ZFAND3: variants seen among roughly 807,000 people sequenced by gnomAD.
ZFAND3 encodes the protein zinc finger AN1-type containing 3.
In ZFAND3, 10 loss-of-function variants were observed where a neutral mutation model predicts 29.6. That is an observed-to-expected ratio of 0.34 (90% CI 0.21 to 0.57). ZFAND3 has a LOEUF of 0.57. ZFAND3 is among the 20% of genes least tolerant of loss of function. ZFAND3 has a pLI of 0.86. For missense variants in ZFAND3, 230 were observed against 304.5 expected (o/e 0.76, Z 1.82); for synonymous variants, 128 against 112.6 (o/e 1.14, Z -0.87).
chr6:38,008,018 T>TG (rs1186825038), intron 2 of ZFAND3, among the ~76,000 whole-genome samples: 1 of 152,190 alleles, frequency 6.6e-6, no homozygotes, highest in Non-Finnish European at 1.5e-5. Flanking sequence ...CCAGACCTGC[T>TG]GGATCAGAAC....
chr6:38,093,405 A>G (rs1396668180), intron 4 of ZFAND3, among the ~76,000 whole-genome samples: 2 of 152,222 alleles, frequency 1.3e-5, no homozygotes, highest in Non-Finnish European at 2.9e-5. Flanking sequence ...TCAGTTTCTG[A>G]TGAGTTAAAT....
At chr6:38,141,713 T>G (rs1765960091) in intron 5 of ZFAND3, among the ~76,000 whole-genome samples, 1 of 152,104 alleles carries the variant, frequency 6.6e-6, no homozygotes, top group Non-Finnish European at 1.5e-5. Flanking sequence ...AACCAGAATC[T>G]AGATGGGGAG....
At chr6:38,025,505 G>A (rs1020848341) in intron 2 of ZFAND3, among the ~76,000 whole-genome samples, 7 of 152,228 alleles carry the variant, frequency 4.6e-5, no homozygotes, top group African/African-American at 1.7e-4. Flanking sequence ...TGAAGATATT[G>A]AATCTTGTGA....
chr6:38,030,761 A>G (rs1581853680), intron 2 of ZFAND3, among the ~76,000 whole-genome samples: 2 of 152,194 alleles, frequency 1.3e-5, no homozygotes, highest in East Asian at 3.8e-4. Flanking sequence ...ACAGGTCTGC[A>G]TTGAAAGAAG....
At chr6:38,137,913 G>GTC (rs1453411722) in intron 5 of ZFAND3, among the ~76,000 whole-genome samples, 2 of 152,218 alleles carry the variant, frequency 1.3e-5, no homozygotes, top group Non-Finnish European at 2.9e-5. Context: ...GCAGGGATCA[G>GTC]TCGGGGGCTT....
chr6:38,004,847 T>C (rs924548280), intron 2 of ZFAND3, among the ~76,000 whole-genome samples: 6 of 152,204 alleles, frequency 3.9e-5, no homozygotes, highest in South Asian at 2.1e-4. Context: ...ATCATCATCA[T>C]GTGGCAAAGG....
At chr6:37,909,004 T>G (rs1021688147) in intron 1 of ZFAND3, among the ~76,000 whole-genome samples, 1 of 152,172 alleles carries the variant, frequency 6.6e-6, no homozygotes. Context: ...CTTAGGTTTC[T>G]GTACTTGGGT....
chr6:38,082,118 G>C (rs909562552), intron 3 of ZFAND3, among the ~76,000 whole-genome samples: 1 of 149,842 alleles, frequency 6.7e-6, no homozygotes, highest in Non-Finnish European at 1.5e-5. Context: ...TCTTTAACTT[G>C]TTAACATTAT....
chr6:38,093,698 C>G (rs988562086), intron 4 of ZFAND3, among the ~76,000 whole-genome samples: 1 of 151,918 alleles, frequency 6.6e-6, no homozygotes, highest in Non-Finnish European at 1.5e-5. Flanking sequence ...AAAACCTGAA[C>G]GAAGTTTGTG....
At chr6:37,912,172 T>C (rs1021128896) in intron 1 of ZFAND3, among the ~76,000 whole-genome samples, 3 of 151,980 alleles carry the variant, frequency 2.0e-5, no homozygotes, top group African/African-American at 7.3e-5. Context: ...CAATTACCTG[T>C]GGCTCATCAC....
intron 2 of ZFAND3, among the ~76,000 whole-genome samples, chr6:37,973,580 T>A (rs1478924926): frequency 6.6e-6 from 1 of 152,242 alleles, no homozygotes; most frequent in Admixed American, 6.5e-5. Context: ...ATTTTCCATT[T>A]TATTTAATTG....
intron 2 of ZFAND3, among the ~76,000 whole-genome samples, chr6:38,042,607 C>T (rs1368757774): frequency 6.6e-6 from 1 of 152,114 alleles, no homozygotes; most frequent in African/African-American, 2.4e-5. Context: ...GACCACTGCA[C>T]CTGGTCGAGC....
chr6:37,833,972 G>T (rs551929501), intron 1 of ZFAND3, among the ~76,000 whole-genome samples: 1 of 152,052 alleles, frequency 6.6e-6, no homozygotes, highest in South Asian at 2.1e-4. Context: ...TCTCACATTA[G>T]TGTGGAACAT....
chr6:37,925,066 A>T (rs1761457535), intron 1 of ZFAND3, among the ~76,000 whole-genome samples: 1 of 151,960 alleles, frequency 6.6e-6, no homozygotes, highest in Non-Finnish European at 1.5e-5. Flanking sequence ...TCACAAGGAG[A>T]CTTCCAGACT....
chr6:37,848,806 A>G (rs549659835), intron 1 of ZFAND3, among the ~76,000 whole-genome samples: 76 of 152,180 alleles, frequency 5.0e-4, no homozygotes, highest in Admixed American at 1.8e-3. Context: ...TTTTTTTAAC[A>G]ATGTTTGGTG....
chr6:37,921,999 G>A (rs1037552274), intron 1 of ZFAND3, among the ~76,000 whole-genome samples: 3 of 151,598 alleles, frequency 2.0e-5, no homozygotes, highest in African/African-American at 7.3e-5. Flanking sequence ...AGGAGGCGGA[G>A]GTCACAGTGA....
chr6:37,973,174 A>G (rs182277284), intron 2 of ZFAND3, among the ~76,000 whole-genome samples: 1 of 152,326 alleles, frequency 6.6e-6, no homozygotes, highest in Non-Finnish European at 1.5e-5. Flanking sequence ...AGGGGGCAGA[A>G]CAACTTTGAG....
intron 1 of ZFAND3, among the ~76,000 whole-genome samples, chr6:37,840,828 G>T (rs1223066247): frequency 1.3e-5 from 2 of 152,120 alleles, no homozygotes; most frequent in Non-Finnish European, 2.9e-5. Flanking sequence ...TAAGTTGAAG[G>T]TTTCTTAAGA....
At chr6:37,864,707 ATATGTTTATG>A (rs1326613207) in intron 1 of ZFAND3, among the ~76,000 whole-genome samples, 8 of 151,484 alleles carry the variant, frequency 5.3e-5, no homozygotes, top group Admixed American at 2.6e-4. Context: ...GTGTATGTTC[ATATGTTTATG>A]TATGTTTATA....
Sources: gnomAD v4.1 joint callset for allele counts (sites outside exome capture counted in the v4.1 genomes callset) on GRCh38, gnomAD v4.1.1 for gene constraint, MANE v1.5 for transcripts, NCBI Gene and HGNC (gene_info 2026-07-23, HGNC 2026-07-21) for gene names.